CNTN1: variants seen among roughly 807,000 people sequenced by gnomAD.
CNTN1 encodes contactin-1.
CNTN1 carries 38 observed loss-of-function variants against 126.4 expected under a neutral mutation model. The observed-to-expected ratio is 0.30, with a 90% confidence interval of 0.23 to 0.39. The LOEUF (loss-of-function observed/expected upper bound fraction) is 0.39. CNTN1 is among the 10% of genes least tolerant of loss of function. The pLI is 1.00. For missense variants in CNTN1, 1,009 were observed against 1,248.4 expected, an observed-to-expected ratio of 0.81 and a Z score of 2.89; for synonymous variants, 413 against 422.6, an observed-to-expected ratio of 0.98 and a Z score of 0.28.
At chr12:40,984,850 G>C (rs1041961318) in intron 16 of CNTN1, among the ~76,000 whole-genome samples, 1 of 151,872 alleles carries the variant, frequency 6.6e-6, no homozygotes, top group Non-Finnish European at 1.5e-5. Flanking sequence ...ATATATAAAT[G>C]CACAACATAT....
intron 1 of CNTN1, among the ~76,000 whole-genome samples, chr12:40,819,288 G>A (rs1209697002): frequency 1.3e-5 from 2 of 152,148 alleles, no homozygotes; most frequent in African/African-American, 4.8e-5. Context: ...AGGAGGAGAG[G>A]CTAAGTCTGC....
At chr12:40,904,510 C>A (rs1037569376) in intron 1 of CNTN1, among the ~76,000 whole-genome samples, 2 of 151,502 alleles carry the variant, frequency 1.3e-5, no homozygotes, top group East Asian at 3.9e-4. Flanking sequence ...CTCACTACAA[C>A]CTCCAGCTCC....
At chr12:40,780,357 T>C (rs1050080242) in intron 1 of CNTN1, among the ~76,000 whole-genome samples, 1 of 151,780 alleles carries the variant, frequency 6.6e-6, no homozygotes, top group Admixed American at 6.6e-5. Context: ...GTTTTGAAGT[T>C]TAAGACCCCT....
chr12:40,763,859 T>C (rs1478787227), intron 1 of CNTN1, among the ~76,000 whole-genome samples: 1 of 152,248 alleles, frequency 6.6e-6, no homozygotes, highest in African/African-American at 2.4e-5. Flanking sequence ...GAACATTTCC[T>C]GTAGCAGCTC....
chr12:40,767,686 T>A (rs575765683), intron 1 of CNTN1, among the ~76,000 whole-genome samples: 32 of 151,986 alleles, frequency 2.1e-4, no homozygotes, highest in Admixed American at 8.5e-4. Flanking sequence ...CAGGCTGGAG[T>A]GCAGTGGAGC....
At position 40,947,440 on chromosome 12, in the gene CNTN1, G is replaced by A. The variant is rs560812512; in HGVS notation, c.1683+3270G>A. Among the ~76,000 whole-genome samples the A allele has an allele frequency of 3.5e-4, 53 of 152,030 alleles. No homozygotes were observed. In the South Asian group the frequency reaches 0.011, roughly 32 times the overall value. ...CCAATTATAAAGTGGCTCCTGTTTT[G>A]GCTTTCTAATTCAATAGCTACTTAA... On this transcript the variant is annotated intron_variant, in intron 14 of 23. Transcript: ENST00000551295.
intron 15 of CNTN1, among the ~76,000 whole-genome samples, chr12:40,970,432 CG>C (rs1352910672): frequency 6.6e-6 from 1 of 151,632 alleles, no homozygotes; most frequent in Non-Finnish European, 1.5e-5. Context: ...TACTATTTAC[CG>C]TAAGGACTGA....
chr12:40,933,434 G>A lies in CNTN1; in HGVS notation c.704-27G>A, dbSNP rs773751348. 8.0e-6 allele frequency: 11 copies of A among 1,380,610 alleles called. No homozygotes were observed. The African/African-American group carries it at 1.6e-4, about 20-fold the overall frequency. The allele number at this position is 1,380,610 out of a possible 1,614,324, so 85.5% of individuals were successfully genotyped here. Reference sequence around the variant, plus strand: ...ACTAATATTGTGCCTAATAATTAGTGGATATTTGTGTTTCTCTTAATATTA... The same window carrying A: ...ACTAATATTGTGCCTAATAATTAGTAGATATTTGTGTTTCTCTTAATATTA... On this transcript the variant is annotated intron_variant, in intron 7 of 23. Transcript: ENST00000551295.
In CNTN1 at chr12:40,902,845, TG is replaced by T. The variant is rs35872778; in HGVS notation, c.-76-5510del. On this transcript the variant is annotated intron_variant, in intron 1 of 23. Transcript: ENST00000551295. ...AGAATAAAACATGACAAGAGCTAGA[TG>T]GAGGTCTGTCCAGCAGAAAAATGCA... Among the ~76,000 whole-genome samples the T allele has an allele frequency of 9.2e-3, 1,401 of 152,180 alleles. 15 individuals carry two copies. The highest frequency in any genetic ancestry group is 0.031 in the African/African-American group (1,292 of 41,508).
intron 1 of CNTN1, among the ~76,000 whole-genome samples, chr12:40,721,328 C>T (rs1007070385): frequency 6.6e-6 from 1 of 152,030 alleles, no homozygotes; most frequent in African/African-American, 2.4e-5. Context: ...TAAAAATAGG[C>T]AGGACCACCT....
At chr12:40,843,981 T>C (rs1468992605) in intron 1 of CNTN1, among the ~76,000 whole-genome samples, 2 of 151,928 alleles carry the variant, frequency 1.3e-5, no homozygotes, top group Non-Finnish European at 2.9e-5. Context: ...TATATTTGGA[T>C]GAGACTTTTG....
chr12:40,760,014 C>A (rs1024602170), intron 1 of CNTN1, among the ~76,000 whole-genome samples: 2 of 152,032 alleles, frequency 1.3e-5, no homozygotes, highest in African/African-American at 4.8e-5. Flanking sequence ...GTCCACTTTG[C>A]CTGTTGGTCA....
intron 12 of CNTN1, among the ~76,000 whole-genome samples, chr12:40,940,096 A>C (rs1946214687): frequency 6.6e-6 from 1 of 152,102 alleles, no homozygotes; most frequent in Non-Finnish European, 1.5e-5. Context: ...ATCCTAGAAG[A>C]AGTAATATTG....
chr12:40,840,521 C>A (rs1257037633), intron 1 of CNTN1, among the ~76,000 whole-genome samples: 1 of 152,018 alleles, frequency 6.6e-6, no homozygotes, highest in Non-Finnish European at 1.5e-5. Flanking sequence ...AACATTCTAT[C>A]CAGCGATGGC....
Position 40,936,729 on chromosome 12 carries a change from T to C in CNTN1, c.986-52T>C, listed in dbSNP as rs2289522. 0.47 allele frequency: 744,702 copies of C among 1,601,194 alleles called. 174,933 individuals carry two copies. Among genetic ancestry groups the C allele is most frequent in the African/African-American group, 0.61 (45,687 of 74,566 alleles). ...TGTAATATTTATACTCTGGAGATTA[T>C]GATGGATCTTGAGCCCTTCATTTAA... On this transcript the variant is annotated intron_variant, in intron 9 of 23. Coordinates refer to ENST00000551295, the MANE Select transcript of CNTN1 (RefSeq NM_001843.4).
intron 23 of CNTN1, among the ~76,000 whole-genome samples, chr12:41,035,558 A>T (rs1397812487): frequency 1.3e-5 from 2 of 152,206 alleles, no homozygotes; most frequent in Non-Finnish European, 2.9e-5. Context: ...CAAACAAATA[A>T]TAAAACAATT....
chr12:40,854,468 T>A (rs544575607), intron 1 of CNTN1, among the ~76,000 whole-genome samples: 2 of 152,124 alleles, frequency 1.3e-5, no homozygotes, highest in Non-Finnish European at 2.9e-5. Flanking sequence ...TGGTCATGGT[T>A]TTTTAAAGAT....
At chr12:40,849,991 G>A (rs963485009) in intron 1 of CNTN1, among the ~76,000 whole-genome samples, 3 of 151,802 alleles carry the variant, frequency 2.0e-5, no homozygotes, top group Non-Finnish European at 4.4e-5. Flanking sequence ...ATATATATAT[G>A]TGGGTACTAT....
At chr12:40,702,127 G>A (rs1002071914) in intron 1 of CNTN1, among the ~76,000 whole-genome samples, 62 of 151,546 alleles carry the variant, frequency 4.1e-4, no homozygotes, top group Non-Finnish European at 3.4e-4. Flanking sequence ...CTAGAGACAG[G>A]GTCTTGCTCT....
Sources: allele counts gnomAD v4.1 joint callset (sites outside exome capture counted in the v4.1 genomes callset), GRCh38; gene constraint gnomAD v4.1.1; transcripts MANE v1.5; gene names NCBI Gene and HGNC (gene_info 2026-07-23, HGNC 2026-07-21).